The following PCSK5 variants were observed in gnomAD, a reference collection of about 807,000 sequenced individuals.
The protein encoded by PCSK5 is prohormone convertase 5.
Under a neutral mutation model 233.2 loss-of-function variants are expected in PCSK5, and 129 were observed. That is an observed-to-expected ratio of 0.55 (90% confidence interval 0.48 to 0.64). PCSK5 has a LOEUF of 0.64. Ranked by LOEUF, PCSK5 falls within the 30% of genes least tolerant of loss-of-function variation. PCSK5 has a pLI of 0.00. For synonymous variants in PCSK5, 825 were observed against 879.2 expected (o/e 0.94, Z 1.09); for missense variants, 2,076 against 2,430.1 (o/e 0.85, Z 3.06).
intron 1 of PCSK5, among the ~76,000 whole-genome samples, chr9:75,911,201 G>GTTTTGTTTTTTTT (rs1822713181): frequency 2.1e-5 from 1 of 48,764 alleles, no homozygotes; most frequent in African/African-American, 8.4e-5. Context: ...GAACATATAG[G>GTTTTGTTTTTTTT]TTTTTTTTTT....
intron 3 of PCSK5, among the ~76,000 whole-genome samples, chr9:76,003,041 C>CCTTGAGTAAGG (rs1827326522): frequency 6.6e-6 from 1 of 152,186 alleles, no homozygotes; most frequent in Admixed American, 6.5e-5. Context: ...TACTATGGAG[C>CCTTGAGTAAGG]CTTGAGTACC....
intron 8 of PCSK5, 58 bp downstream of exon 8, chr9:76,096,160 C>A: frequency 1.9e-6 from 2 of 1,077,344 alleles, no homozygotes; most frequent in Non-Finnish European, 2.8e-6. Flanking sequence ...CTTTGAAATA[C>A]AAAGGGAGAA....
At position 76,338,261 on chromosome 9, in the gene PCSK5, G is replaced by A. The variant is rs781555310; in HGVS notation, c.4780G>A (p.Glu1594Lys). 135 of 1,612,456 alleles carry A rather than the reference G, an allele frequency of 8.4e-5. No homozygotes were observed. The highest frequency in any genetic ancestry group is 1.1e-4 in the Non-Finnish European group (129 of 1,179,730). The stretch of plus-strand genomic sequence containing the variant: ...CGCAGACAACTCCACTGGCCGGTGT[G>A]AGAGGTGCAACAGGAGCTGCAAGGG... ...YYADNSTGRC[E>K]RCNRSCKGCQ... is the part of the protein sequence containing the mutation. The change falls in exon 35 of 38, where the codon GAG (glutamate) becomes AAG (lysine). Residue 1594 changes from glutamate (E) to lysine (K), a missense_variant. Coordinates refer to ENST00000674117, the MANE Select transcript of PCSK5 (RefSeq NM_001372043.1).
chr9:76,276,694 T>C (rs1314176778), intron 24 of PCSK5, among the ~76,000 whole-genome samples: 1 of 152,156 alleles, frequency 6.6e-6, no homozygotes, highest in Non-Finnish European at 1.5e-5. Context: ...CCCATCTAAA[T>C]TAGGGCCTCT....
chr9:76,166,727 G>A (rs972936658), intron 12 of PCSK5, among the ~76,000 whole-genome samples: 1 of 152,232 alleles, frequency 6.6e-6, no homozygotes, highest in African/African-American at 2.4e-5. Context: ...ATGGCACCAT[G>A]GCCTCAACGA....
chr9:75,926,113 C>G (rs1285217698), intron 1 of PCSK5, among the ~76,000 whole-genome samples: 2 of 152,146 alleles, frequency 1.3e-5, no homozygotes, highest in Non-Finnish European at 2.9e-5. Context: ...TTTCATTTCC[C>G]AATTCTTTCA....
intron 20 of PCSK5, among the ~76,000 whole-genome samples, chr9:76,214,270 G>A (rs889181653): frequency 6.6e-5 from 10 of 150,846 alleles, no homozygotes; most frequent in African/African-American, 2.2e-4. Context: ...AGGATTGCAT[G>A]TTTGACTTTT....
chr9:76,210,351 T>C (rs1825284305), intron 20 of PCSK5, among the ~76,000 whole-genome samples: 1 of 152,158 alleles, frequency 6.6e-6, no homozygotes, highest in Admixed American at 6.5e-5. Context: ...ATATACTAAA[T>C]CTCTGTCATT....
At chr9:76,285,359 G>A (rs74672002) in intron 24 of PCSK5, among the ~76,000 whole-genome samples, 47 of 152,304 alleles carry the variant, frequency 3.1e-4, no homozygotes, top group African/African-American at 1.1e-3. Flanking sequence ...ATTTGCAGAT[G>A]TAGCCTAAGA....
intron 20 of PCSK5, among the ~76,000 whole-genome samples, chr9:76,196,467 A>G (rs1168512986): frequency 6.6e-6 from 1 of 152,248 alleles, no homozygotes; most frequent in Non-Finnish European, 1.5e-5. Context: ...GCAGTGGAGT[A>G]TAGATCTTTC....
intron 10 of PCSK5, among the ~76,000 whole-genome samples, chr9:76,149,079 TTCGTAAATTTTACAGAAATTTCCCTAC>T (rs1319865728): frequency 6.6e-6 from 1 of 152,182 alleles, no homozygotes; most frequent in African/African-American, 2.4e-5. Flanking sequence ...TGGCTTACTT[TTCGTAAATTTTACAGAAATTTCCCTAC>T]TGACATCCAT....
chr9:76,199,982 C>G (rs1050447553), intron 20 of PCSK5, among the ~76,000 whole-genome samples: 4 of 152,108 alleles, frequency 2.6e-5, no homozygotes, highest in Non-Finnish European at 5.9e-5. Flanking sequence ...CCAAATATAT[C>G]TCTAAATGGT....
At chr9:76,255,173 G>A (rs1239126056) in intron 24 of PCSK5, among the ~76,000 whole-genome samples, 1 of 152,108 alleles carries the variant, frequency 6.6e-6, no homozygotes, top group Non-Finnish European at 1.5e-5. Flanking sequence ...TGTAGTCCCA[G>A]CTACTAGGGA....
At chr9:76,006,933 G>GA (rs1168353035) in intron 3 of PCSK5, among the ~76,000 whole-genome samples, 1 of 152,108 alleles carries the variant, frequency 6.6e-6, no homozygotes, top group Non-Finnish European at 1.5e-5. Context: ...TAATGTTAAA[G>GA]ATTAGACACA....
At chr9:76,044,094 ATGT>A (rs1160477740) in intron 5 of PCSK5, among the ~76,000 whole-genome samples, 1 of 152,240 alleles carries the variant, frequency 6.6e-6, no homozygotes, top group Non-Finnish European at 1.5e-5. Context: ...ATAAATATAA[ATGT>A]TGGTCTTAAA....
chr9:75,908,495 G>T (rs1397731576), intron 1 of PCSK5, among the ~76,000 whole-genome samples: 1 of 152,022 alleles, frequency 6.6e-6, no homozygotes. Context: ...CCTTTCCTCT[G>T]GTCAAAAAGA....
rs1365736733 is a variant in PCSK5 at position 76,315,645 on chromosome 9, T to TTC, written c.3884+4795_3884+4796insCT. Reference sequence around the variant, plus strand: ...CAGATCTGTGTGGAGAAGACTACTTTTTTTTTTTTTTTTTTTTGAGACAGA... The same window carrying TTC: ...CAGATCTGTGTGGAGAAGACTACTTTTCTTTTTTTTTTTTTTTTTGAGACAGA... On this transcript the variant is annotated intron_variant, in intron 30 of 37. Transcript: ENST00000674117. Among the ~76,000 whole-genome samples the TTC allele has an allele frequency of 2.0e-5, 3 of 148,438 alleles. No individual in the cohort carries two copies. The East Asian group carries it at 5.8e-4, about 29-fold the overall frequency.
At chr9:76,217,647 A>C (rs1380645379) in intron 20 of PCSK5, among the ~76,000 whole-genome samples, 1 of 152,192 alleles carries the variant, frequency 6.6e-6, no homozygotes, top group Non-Finnish European at 1.5e-5. Flanking sequence ...GGGGGAAGGC[A>C]TGCTTCCAAG....
At chr9:75,934,987 T>G (rs1255139057) in intron 2 of PCSK5, among the ~76,000 whole-genome samples, 1 of 152,218 alleles carries the variant, frequency 6.6e-6, no homozygotes, top group Non-Finnish European at 1.5e-5. Flanking sequence ...TCTTCCTAGA[T>G]TCCCCAAATG....
Sources: allele counts gnomAD v4.1 joint callset (sites outside exome capture counted in the v4.1 genomes callset), GRCh38; gene constraint gnomAD v4.1.1; transcripts MANE v1.5; gene names NCBI Gene and HGNC (gene_info 2026-07-23, HGNC 2026-07-21).